Variants in PRPF38B observed in about 807,000 individuals in gnomAD.
PRPF38B encodes the protein pre-mRNA processing factor 38B, also known as pre-mRNA-splicing factor 38B.
PRPF38B carries 18 observed loss-of-function variants against 67.2 expected under a neutral mutation model. The ratio of observed to expected loss-of-function variants is 0.27; its 90% confidence interval spans 0.19 to 0.40. The LOEUF (loss-of-function observed/expected upper bound fraction) is 0.40. PRPF38B is among the 10% of genes least tolerant of loss of function. The pLI, the probability that PRPF38B is intolerant of heterozygous loss-of-function variation, is 1.00. For missense variants in PRPF38B, 544 were observed against 684.9 expected, an observed-to-expected ratio of 0.79 and a Z score of 2.30; for synonymous variants, 246 against 234.2, an observed-to-expected ratio of 1.05 and a Z score of -0.46.
intron 4 of PRPF38B, 139 bp from the exon 5 acceptor site, chr1:108,698,465 C>A: frequency 1.5e-6 from 1 of 661,772 alleles, no homozygotes; most frequent in Non-Finnish European, 2.5e-6. Flanking sequence ...CATTCATTGT[C>A]AGATCAGGAT....
In PRPF38B at chr1:108,692,443, C is replaced by G; in HGVS notation, c.-149C>G. 1 of 927,822 alleles carries G rather than the reference C, an allele frequency of 1.1e-6. No homozygotes were observed. Among genetic ancestry groups the G allele is most frequent in the South Asian group, 1.8e-5 (1 of 56,484 alleles). The allele number at this position is 927,822 out of a possible 1,614,324, so 57.5% of individuals were successfully genotyped here. On this transcript the variant is annotated 5_prime_UTR_variant, in exon 1 of 6. Coordinates refer to ENST00000370025, the MANE Select transcript of PRPF38B (RefSeq NM_018061.4). ...GGGTCATTTTGTCGGCGTCGGGTGC[C>G]CTCTCTTGCCCAGCTGGGGCACAGC...
chr1:108,694,829 T>G (rs1570677463), intron 1 of PRPF38B, among the ~76,000 whole-genome samples: 1 of 152,298 alleles, frequency 6.6e-6, no homozygotes, highest in East Asian at 1.9e-4. Context: ...GTTAATATTC[T>G]TTTGTTGTTG....
intron 4 of PRPF38B, chr1:108,697,809 G>A (rs1219262050): frequency 6.6e-6 from 1 of 152,074 alleles, no homozygotes; most frequent in Non-Finnish European, 1.5e-5. Context: ...TTCTTCCTTA[G>A]ATATCTGCAG....
Position 108,692,648 on chromosome 1 carries a change from T to A in PRPF38B, c.57T>A (p.Ala19=). The change falls in exon 1 of 6, where the codon GCT becomes GCA. Residue 19 remains alanine (A), a synonymous_variant. Coordinates refer to ENST00000370025, the MANE Select transcript of PRPF38B (RefSeq NM_018061.4). ...ACTCGCAGCCGCAGCACCAGGCGGC[T>A]GCAGCTGCGGCTCAGCAACAGCAGC... The part of the protein sequence containing the change: ...TGNSQPQHQA[A]AAAAQQQQQC... 1 of 1,610,538 alleles carries A rather than the reference T, an allele frequency of 6.2e-7. No homozygotes were observed. Among genetic ancestry groups the A allele is most frequent in the Non-Finnish European group, 8.5e-7 (1 of 1,178,982 alleles).
rs972077191 is a variant in PRPF38B, at chr1:108,692,363, T to C, written c.-229T>C. The C allele has an allele frequency of 1.8e-6, 1 of 562,796 alleles. No individual in the cohort carries two copies. The highest frequency in any genetic ancestry group is 3.1e-6 in the Non-Finnish European group (1 of 319,808). The allele number at this position is 562,796 out of a possible 1,614,324, so 34.9% of individuals were successfully genotyped here. Reference sequence around the variant, plus strand: ...GAGATCGAGCTCCCTGGCTGCCGGCTCGCCTTCTGCGTGGAGTTCTCGCGG... The same window carrying C: ...GAGATCGAGCTCCCTGGCTGCCGGCCCGCCTTCTGCGTGGAGTTCTCGCGG... On this transcript the variant is annotated 5_prime_UTR_variant, in exon 1 of 6. Coordinates refer to ENST00000370025, the MANE Select transcript of PRPF38B (RefSeq NM_018061.4).
rs1243139051 is a variant in PRPF38B, at chr1:108,692,711, C to G, written c.120C>G (p.Ser40=). ...GCGGCGCTACCAAGCCGGCGGTCTC[C>G]GGCAAGCAGGGCAATGTGCTCCCGC... ...GGGGATKPAV[S]GKQGNVLPLW... The change falls in exon 1 of 6, where the codon TCC becomes TCG. Residue 40 remains serine (S), a synonymous_variant. Transcript: ENST00000370025. 1.2e-6 allele frequency: 2 copies of G among 1,613,602 alleles called. No individual in the cohort carries two copies. Among genetic ancestry groups the G allele is most frequent in the East Asian group, 4.5e-5 (2 of 44,856 alleles).
At position 108,692,376 on chromosome 1, in the gene PRPF38B, G is replaced by A. The variant is rs986720982; in HGVS notation, c.-216G>A. 11 of 578,592 alleles carry A rather than the reference G, an allele frequency of 1.9e-5. No homozygotes were observed. The highest frequency in any genetic ancestry group is 1.6e-4 in the Admixed American group (5 of 30,876). 35.8% of individuals were successfully genotyped at this position (578,592 alleles called of 1,614,324 possible). A position where few individuals can be genotyped will look rare whatever the true frequency, so the allele number is the denominator to read the frequency against. ...CTGGCTGCCGGCTCGCCTTCTGCGT[G>A]GAGTTCTCGCGGTCTGGGTTTCGCT... On this transcript the variant is annotated 5_prime_UTR_variant, in exon 1 of 6. Coordinates refer to ENST00000370025, the MANE Select transcript of PRPF38B (RefSeq NM_018061.4).
At chr1:108,695,384 T>G (rs1659767892) in intron 1 of PRPF38B, among the ~76,000 whole-genome samples, 1 of 152,200 alleles carries the variant, frequency 6.6e-6, no homozygotes, top group Non-Finnish European at 1.5e-5. Context: ...CCAAATAGTT[T>G]TTGCAACCAA....
rs979351417 is a variant in PRPF38B, at chr1:108,702,522, T to G, written c.*2502T>G. Reference sequence around the variant, plus strand: ...GTTATTGCTATATATATGCATGATTTATTTGGAGAGTGGCTTCCTAAGAAA... The same window carrying G: ...GTTATTGCTATATATATGCATGATTGATTTGGAGAGTGGCTTCCTAAGAAA... On this transcript the variant is annotated 3_prime_UTR_variant, in exon 6 of 6. Transcript: ENST00000370025. 6.6e-6 allele frequency among the ~76,000 whole-genome samples: 1 copy of G among 152,204 alleles called. No individual in the cohort carries two copies. The highest frequency in any genetic ancestry group is 1.5e-5 in the Non-Finnish European group (1 of 68,040).
rs565093491 is a variant in PRPF38B, at chr1:108,698,542, A to G, written c.559-62A>G. 24 of 1,133,044 alleles carry G rather than the reference A, an allele frequency of 2.1e-5. No homozygotes were observed. In the East Asian group the frequency reaches 6.1e-4, roughly 29 times the overall value. The allele number at this position is 1,133,044 out of a possible 1,614,324, so 70.2% of individuals were successfully genotyped here. A position where few individuals can be genotyped will look rare whatever the true frequency, so the allele number is the denominator to read the frequency against. ...TTCCAAAGATGGTAATATTTTTATA[A>G]TATTCATGTATATATGGAAATACTT... On this transcript the variant is annotated intron_variant, in intron 4 of 5. Transcript: ENST00000370025.
In PRPF38B at chr1:108,699,202, A is replaced by G; in HGVS notation, c.823A>G (p.Arg275Gly). 1.9e-6 allele frequency: 3 copies of G among 1,613,686 alleles called. No individual in the cohort carries two copies. Among genetic ancestry groups the G allele is most frequent in the Non-Finnish European group, 2.5e-6 (3 of 1,179,862 alleles). Reference protein sequence around the residue: ...RSLSPRRSPRRSRSRSHHREG... With the variant: ...RSLSPRRSPRGSRSRSHHREG... ...TCTGAGTCCACGGAGGTCCCCAAGA[A>G]GGTCAAGAAGTAGAAGTCATCATCG... Residue 275 changes from arginine (R) to glycine (G), a missense_variant, in exon 6 of 6, where the codon AGG (arginine) becomes GGG (glycine). By Grantham distance (125) the Arg-to-Gly change is moderately radical. Transcript: ENST00000370025.
rs1286115397 is a variant in PRPF38B at position 108,700,457 on chromosome 1, G to A, written c.*437G>A. On this transcript the variant is annotated 3_prime_UTR_variant, in exon 6 of 6. Coordinates refer to ENST00000370025, the MANE Select transcript of PRPF38B (RefSeq NM_018061.4). ...ATAGAATGCTAAAGACTTTGAGAAT[G>A]GATCTTGGATGTCTATTATAGGAGA... 6.4e-6 allele frequency: 1 copy of A among 157,178 alleles called. No homozygotes were observed. Among genetic ancestry groups the A allele is most frequent in the Non-Finnish European group, 1.4e-5 (1 of 70,872 alleles). 9.7% of individuals were successfully genotyped at this position (157,178 alleles called of 1,614,324 possible).
rs921122274 is a variant in PRPF38B, at chr1:108,695,706, C to T, written c.281C>T (p.Thr94Met). The T allele has an allele frequency of 4.3e-6, 7 of 1,613,670 alleles. No homozygotes were observed. In the African/African-American group the frequency reaches 5.3e-5, roughly 12 times the overall value. ...GTTCCTCTTTTCTATTTTCAGGTCA[C>T]GCACGTTGAACCATGGGAGAAAGGA... is the stretch of plus-strand genomic sequence containing the variant. The part of the protein sequence containing the change: ...EVVDEIYFKV[T>M]HVEPWEKGSR... The change falls in exon 2 of 6, where the codon ACG (threonine) becomes ATG (methionine). Residue 94 changes from threonine to methionine, a missense_variant. Transcript: ENST00000370025.
chr1:108,698,885 G>T, intron 5 of PRPF38B, 58 bp downstream of exon 5: 1 of 1,453,260 alleles, frequency 6.9e-7, no homozygotes, highest in Non-Finnish European at 9.3e-7. Flanking sequence ...AAAATTAATG[G>T]TTCTGAGAAA....
rs1422844895 is a variant in PRPF38B, at chr1:108,701,208, C to G, written c.*1188C>G. Reference sequence around the variant, plus strand: ...TTATCCTGGGTCTTGGCTTTTCCCCCATTTGTTAAATTTTTTTAGCATATT... The same window carrying G: ...TTATCCTGGGTCTTGGCTTTTCCCCGATTTGTTAAATTTTTTTAGCATATT... On this transcript the variant is annotated 3_prime_UTR_variant, in exon 6 of 6. Transcript: ENST00000370025. The G allele has an allele frequency of 6.6e-6, 1 of 152,574 alleles. No homozygotes were observed. Among genetic ancestry groups the G allele is most frequent in the Non-Finnish European group, 1.5e-5 (1 of 68,030 alleles). The allele number at this position is 152,574 out of a possible 1,614,324, so 9.5% of individuals were successfully genotyped here. A position where few individuals can be genotyped will look rare whatever the true frequency, so the allele number is the denominator to read the frequency against.
rs1345950857 is a variant in PRPF38B at position 108,699,777 on chromosome 1, A to G, written c.1398A>G (p.Lys466=). ...SSKHKNESKE[K]SNKRSRSGSQ... ...AACATAAAAATGAAAGTAAAGAAAA[A>G]TCAAATAAACGAAGTCGAAGTGGCA... Residue 466 remains lysine (K), a synonymous_variant, in exon 6 of 6, where the codon AAA becomes AAG. Transcript: ENST00000370025. 1 of 1,613,052 alleles carries G rather than the reference A, an allele frequency of 6.2e-7. No individual in the cohort carries two copies.
In PRPF38B at chr1:108,695,571, A is replaced by G. The variant is rs368962155; in HGVS notation, c.277-131A>G. On this transcript the variant is annotated intron_variant, in intron 1 of 5. Transcript: ENST00000370025. ...AAAAATGATTTACACACTTAATATC[A>G]GTAAACATATACTTAATGCCAAAAT... The G allele has an allele frequency of 4.6e-4, 362 of 784,318 alleles. 5 individuals are homozygous for G. The South Asian group carries it at 5.7e-3, about 12-fold the overall frequency. The allele number at this position is 784,318 out of a possible 1,614,324, so 48.6% of individuals were successfully genotyped here.
At chr1:108,695,562 C>A in intron 1 of PRPF38B, 140 bp from the exon 2 acceptor site, 1 of 738,616 alleles carries the variant, frequency 1.4e-6, no homozygotes, top group Non-Finnish European at 2.2e-6. Flanking sequence ...GATTTACACA[C>A]TTAATATCAG....
chr1:108,702,392 G>A lies in PRPF38B; in HGVS notation c.*2372G>A, dbSNP rs576078038. On this transcript the variant is annotated 3_prime_UTR_variant, in exon 6 of 6. Transcript: ENST00000370025. The stretch of plus-strand genomic sequence containing the variant: ...ACCCACCTCAGCCTCCCAAAGCGCT[G>A]TGATTACAGGTGTGAGCCACCACTC... Among the ~76,000 whole-genome samples the A allele has an allele frequency of 6.6e-6, 1 of 152,328 alleles. No homozygotes were observed. Among genetic ancestry groups the A allele is most frequent in the Admixed American group, 6.5e-5 (1 of 15,302 alleles).
Sources: allele counts gnomAD v4.1 joint callset (sites outside exome capture counted in the v4.1 genomes callset), GRCh38; gene constraint gnomAD v4.1.1; transcripts MANE v1.5; gene names NCBI Gene and HGNC (gene_info 2026-07-23, HGNC 2026-07-21).